Variants in PIK3C2G observed in about 807,000 individuals in gnomAD.
The protein encoded by PIK3C2G is phosphatidylinositol 3-kinase C2 domain-containing subunit gamma.
Under a neutral mutation model 181.1 loss-of-function variants are expected in PIK3C2G, and 168 were observed. The observed-to-expected ratio is 0.93, with a 90% CI of 0.82 to 1.05. The LOEUF is 1.05. PIK3C2G is among the 50% of genes least tolerant of loss of function. PIK3C2G has a pLI of 0.00. For missense variants in PIK3C2G, 1,869 were observed against 1,732.8 expected (o/e 1.08, Z -1.40); for synonymous variants, 573 against 592.2 (o/e 0.97, Z 0.47).
downstream of PIK3C2G, among the ~76,000 whole-genome samples, chr12:18,653,163 G>T (rs1290392040): frequency 2.6e-5 from 4 of 152,118 alleles, no homozygotes; most frequent in East Asian, 5.8e-4. Flanking sequence ...CAAAGTGGTT[G>T]CAGTAGCAGA....
intron 20 of PIK3C2G, among the ~76,000 whole-genome samples, chr12:18,495,418 C>T (rs1940924135): frequency 6.6e-6 from 1 of 151,864 alleles, no homozygotes; most frequent in Non-Finnish European, 1.5e-5. Context: ...TGTTGTACTG[C>T]TATTTATAAA....
At chr12:18,536,432 T>C (rs1592520881) in intron 24 of PIK3C2G, among the ~76,000 whole-genome samples, 2 of 152,192 alleles carry the variant, frequency 1.3e-5, no homozygotes, top group Middle Eastern at 6.8e-3. Context: ...AGAAGGAGAT[T>C]AGAGAACGGA....
intron 26 of PIK3C2G, among the ~76,000 whole-genome samples, chr12:18,553,616 A>C (rs1253132379): frequency 6.6e-6 from 1 of 152,126 alleles, no homozygotes; most frequent in Non-Finnish European, 1.5e-5. Flanking sequence ...AAAGACCTTT[A>C]AGTTTGTTAG....
At chr12:18,626,786 G>A (rs1429280785) in intron 31 of PIK3C2G, among the ~76,000 whole-genome samples, 1 of 151,872 alleles carries the variant, frequency 6.6e-6, no homozygotes, top group African/African-American at 2.4e-5. Context: ...GCTGGTAGTT[G>A]TATTGGGACT....
At position 18,647,990 on chromosome 12, in the gene PIK3C2G, A is replaced by G. The variant is rs753842310; in HGVS notation, c.4423A>G (p.Lys1475Glu). 20 of 1,597,844 alleles carry G rather than the reference A, an allele frequency of 1.3e-5. No individual in the cohort carries two copies. In the South Asian group the frequency reaches 2.3e-4, roughly 18 times the overall value. The change falls in exon 33 of 33, where the codon AAA (lysine) becomes GAA (glutamate). Residue 1475 changes from lysine to glutamate, a missense_variant. Physicochemically the swap from Lys to Glu is moderately conservative, Grantham distance 56. Transcript: ENST00000538779. ...CCGACTCTGTAGTGTCCCACTCGAT[A>G]AAGAAAAATGGTATCCATTAGGAAA... The part of the protein sequence containing the change: ...NIRLCSVPLD[K>E]EKWYPLGNSI...
intron 10 of PIK3C2G, among the ~76,000 whole-genome samples, chr12:18,344,119 C>A (rs561619641): frequency 3.3e-5 from 5 of 152,162 alleles, no homozygotes; most frequent in Admixed American, 6.6e-5. Context: ...TGGTCAGGAT[C>A]GTTCTTGGTT....
intron 18 of PIK3C2G, among the ~76,000 whole-genome samples, chr12:18,471,235 G>C (rs183732505): frequency 8.4e-4 from 128 of 152,230 alleles, no homozygotes; most frequent in African/African-American, 2.9e-3. Flanking sequence ...CCTCAGACAA[G>C]ACAATTACTG....
chr12:18,270,669 T>C (rs1417763730), intron 1 of PIK3C2G, among the ~76,000 whole-genome samples: 1 of 152,166 alleles, frequency 6.6e-6, no homozygotes. Flanking sequence ...AAACAGTCTA[T>C]TGTGGGTACT....
Position 18,381,867 on chromosome 12 carries a change from C to CTGGCTGCA in PIK3C2G, c.1982_1983insTGGCTGCA (p.Val662GlyfsTer4), listed in dbSNP as rs1565658218. 1 of 1,604,884 alleles carries CTGGCTGCA rather than the reference C, an allele frequency of 6.2e-7. No homozygotes were observed. The highest frequency in any genetic ancestry group is 1.3e-5 in the African/African-American group (1 of 74,844). On this transcript the variant is annotated frameshift_variant, in exon 14 of 33. Coordinates refer to ENST00000538779, the MANE Select transcript of PIK3C2G (RefSeq NM_001288772.2). LOFTEE classifies it high-confidence loss of function. ...GTGTGGGATGTAAGTCAGCCATCCC[C>CTGGCTGCA]GGTGACCCTGCAGGTAAGTGCCAGG...
At chr12:18,430,845 G>A (rs919850223) in intron 18 of PIK3C2G, among the ~76,000 whole-genome samples, 1 of 152,136 alleles carries the variant, frequency 6.6e-6, no homozygotes, top group Non-Finnish European at 1.5e-5. Context: ...ACCACGAAAT[G>A]AATTAAGCCA....
chr12:18,400,905 A>T (rs1489458694), intron 16 of PIK3C2G, among the ~76,000 whole-genome samples: 1 of 151,710 alleles, frequency 6.6e-6, no homozygotes, highest in Non-Finnish European at 1.5e-5. Flanking sequence ...ATTTGTTTCT[A>T]TTTGAGCTTG....
chr12:18,297,742 G>C (rs1470226150), intron 5 of PIK3C2G, among the ~76,000 whole-genome samples: 1 of 151,866 alleles, frequency 6.6e-6, no homozygotes, highest in Non-Finnish European at 1.5e-5. Flanking sequence ...CTAACTCCGT[G>C]AGATAACCAT....
chr12:18,332,410 G>C (rs955211494), intron 8 of PIK3C2G, among the ~76,000 whole-genome samples: 1 of 152,166 alleles, frequency 6.6e-6, no homozygotes, highest in Non-Finnish European at 1.5e-5. Flanking sequence ...GCCTTAGGCA[G>C]ACTCTGTGTA....
At chr12:18,355,319 G>A (rs866640298) in intron 11 of PIK3C2G, among the ~76,000 whole-genome samples, 2 of 152,192 alleles carry the variant, frequency 1.3e-5, no homozygotes, top group Non-Finnish European at 2.9e-5. Flanking sequence ...CCTCCCTATC[G>A]TAAGCAGAGT....
chr12:18,630,987 TA>T (rs546167792), intron 31 of PIK3C2G, among the ~76,000 whole-genome samples: 67 of 148,068 alleles, frequency 4.5e-4, no homozygotes, highest in East Asian at 1.2e-3. Flanking sequence ...AGCCAGAGTT[TA>T]AAAAAAAAAA....
At chr12:18,481,128 G>T (rs1014146162) in intron 18 of PIK3C2G, among the ~76,000 whole-genome samples, 1 of 151,878 alleles carries the variant, frequency 6.6e-6, no homozygotes, top group East Asian at 1.9e-4. Context: ...TAGAGACAGG[G>T]TTTCACCATG....
the PIK3C2G span, chr12:18,699,873 T>C: frequency 6.2e-7 from 1 of 1,612,878 alleles, no homozygotes; most frequent in South Asian, 1.1e-5. Flanking sequence ...ATCTTGAATG[T>C]TGAAAGCTTT....
chr12:18,362,921 T>G (rs1441270668), intron 12 of PIK3C2G, 35 bp downstream of exon 12: 1 of 1,416,760 alleles, frequency 7.1e-7, no homozygotes, highest in African/African-American at 1.5e-5. Context: ...GGATCATTTA[T>G]GTAATAAATG....
intron 10 of PIK3C2G, among the ~76,000 whole-genome samples, chr12:18,346,245 C>A (rs1284272363): frequency 6.6e-6 from 1 of 152,104 alleles, no homozygotes; most frequent in Admixed American, 6.6e-5. Flanking sequence ...ATGATTAATT[C>A]TTTAGATGGA....
Sources: gnomAD v4.1 joint callset for allele counts (sites outside exome capture counted in the v4.1 genomes callset) on GRCh38, gnomAD v4.1.1 for gene constraint, MANE v1.5 for transcripts, NCBI Gene and HGNC (gene_info 2026-07-23, HGNC 2026-07-21) for gene names.